The following RALGAPA2 variants were observed in gnomAD, a reference collection of about 807,000 sequenced individuals.
RALGAPA2 encodes the protein Ral GTPase activating protein catalytic subunit alpha 2, also known as ral GTPase-activating protein subunit alpha-2.
In RALGAPA2, 139 loss-of-function variants were observed where a neutral mutation model predicts 230.4. That is an observed-to-expected ratio of 0.60 (90% CI 0.53 to 0.69). RALGAPA2 has a LOEUF of 0.69. Ranked by LOEUF, RALGAPA2 falls within the 30% of genes least tolerant of loss-of-function variation. The pLI, the probability that RALGAPA2 is intolerant of heterozygous loss-of-function variation, is 0.00. For missense variants in RALGAPA2, 2,163 were observed against 2,276.0 expected (o/e 0.95, Z 1.01); for synonymous variants, 847 against 837.8 (o/e 1.01, Z -0.19).
intron 9 of RALGAPA2, 104 bp from the exon 10 acceptor site, chr20:20,629,694 A>G (rs1255926275): frequency 4.2e-6 from 5 of 1,190,682 alleles, no homozygotes; most frequent in African/African-American, 3.0e-5. Flanking sequence ...GTTACCATCA[A>G]TGTGCACAGG....
At chr20:20,553,344 G>A (rs1023273921) in intron 23 of RALGAPA2, among the ~76,000 whole-genome samples, 1 of 152,058 alleles carries the variant, frequency 6.6e-6, no homozygotes, top group Non-Finnish European at 1.5e-5. Context: ...TTGAGCCCAG[G>A]AGTTCAAAAC....
rs190227492 is a variant in RALGAPA2, at chr20:20,420,105, A to G, written c.5496-7957T>C. Reference sequence around the variant, plus strand: ...AGGGATGAAGTGGGGTAAGGAGTGTAAGAGCAGTTCGGGCACAGAGAATGC... The same window carrying G: ...AGGGATGAAGTGGGGTAAGGAGTGTGAGAGCAGTTCGGGCACAGAGAATGC... On this transcript the variant is annotated intron_variant, in intron 37 of 39. Coordinates refer to ENST00000202677, the MANE Select transcript of RALGAPA2 (RefSeq NM_020343.4). Among the ~76,000 whole-genome samples the G allele has an allele frequency of 2.1e-3, 324 of 152,202 alleles. 2 individuals are homozygous for G. The highest frequency in any genetic ancestry group is 3.3e-3 in the Non-Finnish European group (226 of 68,034).
chr20:20,509,733 C>T (rs959090918), intron 33 of RALGAPA2, among the ~76,000 whole-genome samples: 2 of 152,094 alleles, frequency 1.3e-5, no homozygotes, highest in Admixed American at 6.6e-5. Flanking sequence ...AAACTTATGC[C>T]CTTCTGATTC....
At chr20:20,396,797 A>G (rs1429224293) in intron 38 of RALGAPA2, 63 bp from the exon 39 acceptor site, 5 of 1,341,030 alleles carry the variant, frequency 3.7e-6, no homozygotes, top group South Asian at 1.2e-5. Context: ...CTCCAACTTG[A>G]TAACTAACAC....
At chr20:20,510,591 CTT>C (rs2062675683) in intron 33 of RALGAPA2, among the ~76,000 whole-genome samples, 1 of 151,470 alleles carries the variant, frequency 6.6e-6, no homozygotes. Flanking sequence ...CTCTTCGAAA[CTT>C]TGGAACATCT....
chr20:20,611,630 A>C (rs2065977543), intron 13 of RALGAPA2, among the ~76,000 whole-genome samples: 1 of 152,216 alleles, frequency 6.6e-6, no homozygotes, highest in Non-Finnish European at 1.5e-5. Context: ...TTTTAAAAAC[A>C]TGCCTCCCAT....
At chr20:20,489,678 T>C (rs1193545731) in intron 36 of RALGAPA2, among the ~76,000 whole-genome samples, 1 of 152,178 alleles carries the variant, frequency 6.6e-6, no homozygotes, top group Non-Finnish European at 1.5e-5. Flanking sequence ...CAATGAGCGC[T>C]CTTTCCTTTT....
chr20:20,650,182 C>T (rs2067350584), intron 4 of RALGAPA2, among the ~76,000 whole-genome samples: 1 of 152,076 alleles, frequency 6.6e-6, no homozygotes, highest in South Asian at 2.1e-4. Flanking sequence ...TTTCCTCATT[C>T]AACGATTTAA....
chr20:20,675,736 T>C (rs1343946111), intron 3 of RALGAPA2, among the ~76,000 whole-genome samples: 1 of 152,134 alleles, frequency 6.6e-6, no homozygotes. Flanking sequence ...ACCTCACTAG[T>C]AGAAAAATAT....
At chr20:20,516,158 T>C (rs2062864850) in intron 31 of RALGAPA2, among the ~76,000 whole-genome samples, 1 of 152,058 alleles carries the variant, frequency 6.6e-6, no homozygotes, top group African/African-American at 2.4e-5. Context: ...CCCCTGACCC[T>C]CAAAGGAGCC....
At chr20:20,397,920 C>A in intron 38 of RALGAPA2, among the ~76,000 whole-genome samples, 1 of 152,164 alleles carries the variant, frequency 6.6e-6, no homozygotes, top group East Asian at 1.9e-4. Flanking sequence ...TTCCAACCAC[C>A]GTTAACACCG....
At position 20,559,546 on chromosome 20, in the gene RALGAPA2, A is replaced by C. The variant is rs187817885; in HGVS notation, c.3156+11912T>G. ...AATCTCACCATGGCAGAAAGCAAAG[A>C]GGTCAATCGACCTCTAAATGGTGGA... On this transcript the variant is annotated intron_variant, in intron 23 of 39. Coordinates refer to ENST00000202677, the MANE Select transcript of RALGAPA2 (RefSeq NM_020343.4). Among the ~76,000 whole-genome samples the C allele has an allele frequency of 2.1e-3, 316 of 152,364 alleles. 1 individual carries two copies. Among genetic ancestry groups the C allele is most frequent in the African/African-American group, 7.1e-3 (294 of 41,584 alleles).
rs1239956068 is a variant in RALGAPA2 at position 20,512,979 on chromosome 20, TC to T, written c.4389del (p.Arg1464GlyfsTer22). The T allele has an allele frequency of 4.3e-6, 7 of 1,613,744 alleles. No homozygotes were observed. Among genetic ancestry groups the T allele is most frequent in the Non-Finnish European group, 5.1e-6 (6 of 1,179,720 alleles). On this transcript the variant is annotated frameshift_variant, in exon 32 of 40. Transcript: ENST00000202677. LOFTEE classifies it high-confidence loss of function. ...CAAGAGTACTTCCCTGAGATATCCC[TC>T]ACAATTACTCTCACATCAGAGAGAG... ...VGSLSDVRVI[V>X]RDISGKYSWD...
chr20:20,532,106 G>A (rs1480117769), intron 26 of RALGAPA2, among the ~76,000 whole-genome samples: 2 of 152,098 alleles, frequency 1.3e-5, no homozygotes, highest in Admixed American at 6.5e-5. Context: ...ACATTTGACT[G>A]TTTCAAGATA....
intron 37 of RALGAPA2, among the ~76,000 whole-genome samples, chr20:20,459,609 T>C (rs1279607188): frequency 6.6e-6 from 1 of 152,054 alleles, no homozygotes; most frequent in Admixed American, 6.5e-5. Flanking sequence ...CTCAAGAGCA[T>C]GCTGTTCACC....
At chr20:20,583,307 C>G (rs564972450) in intron 19 of RALGAPA2, 81 bp from the exon 20 acceptor site, 14 of 1,375,518 alleles carry the variant, frequency 1.0e-5, no homozygotes, top group Middle Eastern at 2.0e-4. Context: ...ACGAAAGTAA[C>G]TAAACAAACA....
At chr20:20,598,742 G>C (rs1419882191) in intron 16 of RALGAPA2, 2 of 456,430 alleles carry the variant, frequency 4.4e-6, no homozygotes, top group African/African-American at 4.0e-5. Flanking sequence ...ACGGTGTGAA[G>C]GAGGAGCGGG....
At chr20:20,622,470 A>G (rs1057094800) in intron 10 of RALGAPA2, among the ~76,000 whole-genome samples, 1 of 152,230 alleles carries the variant, frequency 6.6e-6, no homozygotes, top group Admixed American at 6.5e-5. Flanking sequence ...AGAAGAAAAA[A>G]GATGTATTTC....
intron 37 of RALGAPA2, among the ~76,000 whole-genome samples, chr20:20,421,313 C>T (rs1055716109): frequency 2.6e-5 from 4 of 152,154 alleles, no homozygotes; most frequent in African/African-American, 9.7e-5. Context: ...CAGTAATAAC[C>T]AGTGAGGACG....
Sources: gnomAD v4.1 joint callset for allele counts (sites outside exome capture counted in the v4.1 genomes callset) on GRCh38, gnomAD v4.1.1 for gene constraint, MANE v1.5 for transcripts, NCBI Gene and HGNC (gene_info 2026-07-23, HGNC 2026-07-21) for gene names.